RPS6KC1: variants seen among roughly 807,000 people sequenced by gnomAD.
RPS6KC1 encodes the protein inactive ribosomal protein S6 kinase delta-1.
In RPS6KC1, 54 loss-of-function variants were observed where a neutral mutation model predicts 103.8. The ratio of observed to expected loss-of-function variants is 0.52; its 90% CI spans 0.42 to 0.65. The LOEUF (loss-of-function observed/expected upper bound fraction) is 0.65, where lower values mean the gene tolerates loss of function less well. Among genes scored for constraint, RPS6KC1 ranks in the 30% least tolerant of loss-of-function variants. The probability of loss-of-function intolerance (pLI) is 0.00; values close to 1 mark genes in which losing one functional copy is unlikely to be tolerated. For missense variants in RPS6KC1, 1,151 were observed against 1,253.8 expected (o/e 0.92, Z 1.24); for synonymous variants, 439 against 438.7 (o/e 1.00, Z -0.01).
the RPS6KC1 span, among the ~76,000 whole-genome samples, chr1:213,528,740 T>C: frequency 1.3e-5 from 2 of 152,186 alleles, no homozygotes; most frequent in Non-Finnish European, 1.5e-5. Context: ...CATCTAGGTC[T>C]GCTCCCCTAT....
chr1:213,634,552 C>A, the RPS6KC1 span, among the ~76,000 whole-genome samples: 1 of 152,090 alleles, frequency 6.6e-6, no homozygotes, highest in Non-Finnish European at 1.5e-5. Context: ...ACACAACATA[C>A]CAGAATCTCT....
the RPS6KC1 span, among the ~76,000 whole-genome samples, chr1:213,460,272 G>A: frequency 3.3e-5 from 5 of 152,136 alleles, no homozygotes; most frequent in Non-Finnish European, 1.5e-5. Flanking sequence ...TATATTGGGT[G>A]CATATATATT....
At chr1:213,360,719 T>A in the RPS6KC1 span, among the ~76,000 whole-genome samples, 1 of 152,058 alleles carries the variant, frequency 6.6e-6, no homozygotes, top group Non-Finnish European at 1.5e-5. Flanking sequence ...ATGATGGTGA[T>A]GTGCAGATGG....
chr1:213,749,346 G>A, the RPS6KC1 span, among the ~76,000 whole-genome samples: 1 of 152,176 alleles, frequency 6.6e-6, no homozygotes, highest in Non-Finnish European at 1.5e-5. Context: ...GGGCAGGAAG[G>A]TAGCCTTGAA....
At chr1:213,739,043 G>A in the RPS6KC1 span, among the ~76,000 whole-genome samples, 1 of 151,732 alleles carries the variant, frequency 6.6e-6, no homozygotes, top group African/African-American at 2.4e-5. Flanking sequence ...ACAGTTGACT[G>A]TTGAACAACA....
At chr1:213,825,393 A>G in the RPS6KC1 span, among the ~76,000 whole-genome samples, 1 of 152,212 alleles carries the variant, frequency 6.6e-6, no homozygotes, top group Admixed American at 6.5e-5. Context: ...AGTGGAATAT[A>G]AAGGAAGAGG....
chr1:213,398,175 G>A, the RPS6KC1 span, among the ~76,000 whole-genome samples: 3 of 150,092 alleles, frequency 2.0e-5, no homozygotes, highest in African/African-American at 7.4e-5. Context: ...GGGACTACAG[G>A]CACTCACCAC....
chr1:213,659,561 G>A, the RPS6KC1 span, among the ~76,000 whole-genome samples: 1 of 151,362 alleles, frequency 6.6e-6, no homozygotes, highest in Non-Finnish European at 1.5e-5. Context: ...GTTACCAAAA[G>A]GAAAGTTGCT....
At chr1:213,069,279 TTATA>T (rs2148447166) in intron 1 of RPS6KC1, among the ~76,000 whole-genome samples, 1 of 152,274 alleles carries the variant, frequency 6.6e-6, no homozygotes, top group African/African-American at 2.4e-5. Flanking sequence ...TTCACCAAGT[TTATA>T]TATTCTGAAA....
the RPS6KC1 span, among the ~76,000 whole-genome samples, chr1:213,850,347 TACCAGGAC>T: frequency 1.3e-5 from 2 of 152,228 alleles, no homozygotes; most frequent in African/African-American, 4.8e-5. Context: ...TGAATAGACC[TACCAGGAC>T]ACTGTGTGTT....
chr1:213,368,265 A>AATGATG, the RPS6KC1 span, among the ~76,000 whole-genome samples: 1 of 150,394 alleles, frequency 6.6e-6, no homozygotes, highest in Non-Finnish European at 1.5e-5. Context: ...CACAGCATGA[A>AATGATG]GGGGCTTTAA....
chr1:213,651,297 G>T, the RPS6KC1 span, among the ~76,000 whole-genome samples: 1 of 152,198 alleles, frequency 6.6e-6, no homozygotes, highest in Non-Finnish European at 1.5e-5. Context: ...GGCACCTGGT[G>T]GGGGAGATTG....
the RPS6KC1 span, chr1:213,839,867 A>T: frequency 2.0e-5 from 3 of 152,222 alleles, no homozygotes; most frequent in Admixed American, 6.5e-5. Flanking sequence ...TAAAATAGTT[A>T]AAAAGCCTAG....
At position 213,272,663 on chromosome 1, in the gene RPS6KC1, C is replaced by T. The variant is rs1182544725; in HGVS notation, c.*29C>T. 6.6e-7 allele frequency: 1 copy of T among 1,510,894 alleles called. No individual in the cohort carries two copies. Among genetic ancestry groups the T allele is most frequent in the Middle Eastern group, 1.7e-4 (1 of 5,842 alleles). 93.6% of individuals were successfully genotyped at this position (1,510,894 alleles called of 1,614,324 possible). ...TAATGCAGGGTTATCTTCACACATT[C>T]TGATCTTCTCTGTGACAGGCATCTC... On this transcript the variant is annotated 3_prime_UTR_variant, in exon 15 of 15. Transcript: ENST00000366960.
At position 213,052,486 on chromosome 1, in the gene RPS6KC1, GA is replaced by G. The variant is rs374988784; in HGVS notation, c.105+978del. Among the ~76,000 whole-genome samples the G allele has an allele frequency of 2.4e-3, 363 of 152,166 alleles. 1 individual carries two copies. Among genetic ancestry groups the G allele is most frequent in the African/African-American group, 8.3e-3 (345 of 41,536 alleles). ...TCAATTTTTAAAGAAGAGAGGTACA[GA>G]TTAAGTAACAGTAGTTCAATATACA... On this transcript the variant is annotated intron_variant, in intron 1 of 14. Transcript: ENST00000366960.
the RPS6KC1 span, among the ~76,000 whole-genome samples, chr1:213,857,059 A>G: frequency 6.6e-6 from 1 of 152,200 alleles, no homozygotes; most frequent in Non-Finnish European, 1.5e-5. Flanking sequence ...ATTTGTATTG[A>G]ATATATATTA....
intron 6 of RPS6KC1, among the ~76,000 whole-genome samples, chr1:213,133,910 G>A (rs2085956216): frequency 1.3e-5 from 2 of 151,982 alleles, no homozygotes; most frequent in South Asian, 2.1e-4. Flanking sequence ...TGGAGAAGTG[G>A]GAAATCCTCT....
chr1:213,647,780 T>C, the RPS6KC1 span, among the ~76,000 whole-genome samples: 1 of 152,192 alleles, frequency 6.6e-6, no homozygotes, highest in African/African-American at 2.4e-5. Flanking sequence ...CAAAGTACCA[T>C]TTGTTAAGTG....
intron 5 of RPS6KC1, among the ~76,000 whole-genome samples, chr1:213,117,744 C>T (rs1325629863): frequency 6.6e-6 from 1 of 151,564 alleles, no homozygotes; most frequent in Admixed American, 6.6e-5. Context: ...CTTACTTGGC[C>T]AGGCATGGTG....
Sources: gnomAD v4.1 joint callset for allele counts (sites outside exome capture counted in the v4.1 genomes callset) on GRCh38, gnomAD v4.1.1 for gene constraint, MANE v1.5 for transcripts, NCBI Gene and HGNC (gene_info 2026-07-23, HGNC 2026-07-21) for gene names.